The following RAB28 variants were observed in gnomAD, a reference collection of about 807,000 sequenced individuals.
The protein encoded by RAB28 is RAB28, member RAS oncogene family.
RAB28 carries 24 observed loss-of-function variants against 31.7 expected under a neutral mutation model. The observed-to-expected ratio is 0.76, with a 90% CI of 0.55 to 1.06. The LOEUF is 1.06. Ranked by LOEUF, RAB28 falls within the 50% of genes least tolerant of loss-of-function variation. The pLI is 0.00. For synonymous variants in RAB28, 100 were observed against 90.4 expected (o/e 1.11, Z -0.60); for missense variants, 254 against 258.5 (o/e 0.98, Z 0.12).
intron 4 of RAB28, among the ~76,000 whole-genome samples, chr4:13,383,011 CTTTGT>C (rs1202463985): frequency 1.3e-5 from 2 of 150,782 alleles, no homozygotes; most frequent in Admixed American, 6.6e-5. Flanking sequence ...TTTTGTTTTG[CTTTGT>C]TTTGTTTTTT....
intron 4 of RAB28, among the ~76,000 whole-genome samples, chr4:13,387,889 G>T (rs1729446948): frequency 6.6e-6 from 1 of 152,024 alleles, no homozygotes; most frequent in Non-Finnish European, 1.5e-5. Flanking sequence ...TGCAAAACTT[G>T]TTGAGGGATC....
In RAB28 at chr4:13,381,564, G is replaced by C; in HGVS notation, c.422C>G (p.Pro141Arg). The change falls in exon 5 of 7, where the codon CCT (proline) becomes CGT (arginine). Residue 141 changes from proline to arginine, a missense_variant. Pro to Arg is a moderately radical substitution (Grantham distance 103). Coordinates refer to ENST00000330852, the MANE Select transcript of RAB28 (RefSeq NM_001017979.3). ...IDLEHMRTIK[P>R]EKHLRFCQEN... ...CTGGCAAAACCGTAAGTGTTTTTCAGGTTTTATTGTTCGCATATGCTCCAA... is the reference window on the plus strand; with the variant it reads ...CTGGCAAAACCGTAAGTGTTTTTCACGTTTTATTGTTCGCATATGCTCCAA... 1 of 1,613,156 alleles carries C rather than the reference G, an allele frequency of 6.2e-7. No homozygotes were observed.
At chr4:13,474,247 G>T in intron 3 of RAB28, 71 bp downstream of exon 3, 2 of 952,746 alleles carry the variant, frequency 2.1e-6, no homozygotes, top group Non-Finnish European at 1.7e-6. Flanking sequence ...TGTGCATTTG[G>T]GAGTAGATTT....
intron 4 of RAB28, among the ~76,000 whole-genome samples, chr4:13,451,229 T>C (rs1184293090): frequency 6.6e-6 from 1 of 151,962 alleles, no homozygotes; most frequent in Non-Finnish European, 1.5e-5. Flanking sequence ...CCATCCTATC[T>C]GGGCTGAGAT....
chr4:13,428,904 C>T (rs1449685284), intron 4 of RAB28, among the ~76,000 whole-genome samples: 1 of 149,996 alleles, frequency 6.7e-6, no homozygotes, highest in Non-Finnish European at 1.5e-5. Flanking sequence ...AAATAAATGC[C>T]GAAGAAGCAT....
intron 4 of RAB28, among the ~76,000 whole-genome samples, chr4:13,409,345 C>T (rs1435539842): frequency 2.0e-5 from 3 of 152,126 alleles, no homozygotes; most frequent in Admixed American, 2.0e-4. Context: ...TAATTGATTC[C>T]ATCATAATAC....
intron 4 of RAB28, among the ~76,000 whole-genome samples, chr4:13,459,334 A>G (rs140905146): frequency 0.017 from 2,621 of 152,266 alleles, 67 homozygotes; most frequent in African/African-American, 0.06. Flanking sequence ...ATGTGAGTCA[A>G]TTCTCCTTAA....
At chr4:13,462,633 C>A (rs547711999) in intron 3 of RAB28, among the ~76,000 whole-genome samples, 2 of 152,286 alleles carry the variant, frequency 1.3e-5, no homozygotes, top group South Asian at 4.1e-4. Context: ...TACCTAGCTT[C>A]TCCAGGTCTC....
At chr4:13,437,600 A>T (rs1023511833) in intron 4 of RAB28, among the ~76,000 whole-genome samples, 1 of 152,182 alleles carries the variant, frequency 6.6e-6, no homozygotes, top group Non-Finnish European at 1.5e-5. Context: ...ACCTGAAAAA[A>T]TGCTCAATAT....
At chr4:13,418,475 A>T (rs1044472433) in intron 4 of RAB28, among the ~76,000 whole-genome samples, 45 of 152,306 alleles carry the variant, frequency 3.0e-4, no homozygotes, top group Non-Finnish European at 5.9e-5. Flanking sequence ...GTTGAAATGA[A>T]GGAAAAAATG....
chr4:13,383,079 C>A lies in RAB28; in HGVS notation c.392-1485G>T, dbSNP rs145439062. Among the ~76,000 whole-genome samples the A allele has an allele frequency of 5.3e-5, 8 of 152,152 alleles. No homozygotes were observed. In the South Asian group the frequency reaches 1.7e-3, roughly 32 times the overall value. ...TTAAACATCACTATCTCCTTATTTA[C>A]AAGAACAGGCAAGGAATGTCCAGAT... On this transcript the variant is annotated intron_variant, in intron 4 of 6. Transcript: ENST00000330852.
chr4:13,405,333 GCTGAAACAATAAAC>G (rs1712014426), intron 4 of RAB28, among the ~76,000 whole-genome samples: 2 of 152,094 alleles, frequency 1.3e-5, no homozygotes, highest in African/African-American at 2.4e-5. Flanking sequence ...GTTCTATGAA[GCTGAAACAATAAAC>G]ATACGAGTTG....
intron 4 of RAB28, chr4:13,459,766 A>C (rs1288825723): frequency 9.0e-7 from 1 of 1,112,176 alleles, no homozygotes; most frequent in Non-Finnish European, 1.1e-6. Context: ...AACAATGCAT[A>C]TAAAATTCCA....
chr4:13,477,473 AT>A (rs1309359401), intron 2 of RAB28, among the ~76,000 whole-genome samples: 1 of 151,634 alleles, frequency 6.6e-6, no homozygotes, highest in Non-Finnish European at 1.5e-5. Flanking sequence ...TGTGACACTT[AT>A]AATGAATGTA....
intron 4 of RAB28, among the ~76,000 whole-genome samples, chr4:13,446,966 C>T (rs1042494921): frequency 6.6e-6 from 1 of 152,190 alleles, no homozygotes; most frequent in African/African-American, 2.4e-5. Context: ...AACAGTTTTA[C>T]TCATCTCAGT....
At chr4:13,436,965 A>T (rs1350591212) in intron 4 of RAB28, among the ~76,000 whole-genome samples, 1 of 152,210 alleles carries the variant, frequency 6.6e-6, no homozygotes, top group African/African-American at 2.4e-5. Flanking sequence ...AAACTATAGT[A>T]TAAGGCTATG....
At chr4:13,416,830 G>A (rs1253295927) in intron 4 of RAB28, among the ~76,000 whole-genome samples, 1 of 152,232 alleles carries the variant, frequency 6.6e-6, no homozygotes, top group Admixed American at 6.5e-5. Flanking sequence ...CAACACAGAA[G>A]ATGGTGATTT....
intron 4 of RAB28, among the ~76,000 whole-genome samples, chr4:13,423,405 C>T (rs954236794): frequency 2.7e-4 from 41 of 150,970 alleles, no homozygotes; most frequent in African/African-American, 9.5e-4. Flanking sequence ...GGCGTGGTGG[C>T]AGATACCTGT....
chr4:13,467,701 G>A (rs73231532), intron 3 of RAB28, among the ~76,000 whole-genome samples: 2,080 of 151,900 alleles, frequency 0.014, 22 homozygotes, highest in Middle Eastern at 0.041. Flanking sequence ...TAAAACCAGA[G>A]AAAGCAGAAA....
Sources: allele counts gnomAD v4.1 joint callset (sites outside exome capture counted in the v4.1 genomes callset), GRCh38; gene constraint gnomAD v4.1.1; transcripts MANE v1.5; gene names NCBI Gene and HGNC (gene_info 2026-07-23, HGNC 2026-07-21).